ACBD7: variants seen among roughly 807,000 people sequenced by gnomAD.
ACBD7 encodes acyl-CoA binding domain containing 7, also known as acyl-CoA-binding domain-containing protein 7.
A neutral mutation model predicts 13.7 loss-of-function variants in ACBD7; 11 were observed. The observed-to-expected ratio is 0.80, with a 90% CI of 0.50 to 1.33. ACBD7 has a LOEUF of 1.33. Ranked by LOEUF, ACBD7 falls within the 40% of genes most tolerant of loss-of-function variation. The pLI is 0.00. For synonymous variants in ACBD7, 43 were observed against 37.7 expected (o/e 1.14, Z -0.51); for missense variants, 111 against 103.0 (o/e 1.08, Z -0.33).
At chr10:15,080,205 CA>C (rs1199477563) in intron 1 of ACBD7, among the ~76,000 whole-genome samples, 1 of 152,056 alleles carries the variant, frequency 6.6e-6, no homozygotes, top group Non-Finnish European at 1.5e-5. Context: ...GTTGTTTAGC[CA>C]ATTTAGAGCT....
chr10:15,078,527 A>T lies in ACBD7; in HGVS notation c.*3T>A, dbSNP rs1844709760. 6.2e-7 allele frequency: 1 copy of T among 1,614,006 alleles called. No individual in the cohort carries two copies. Among genetic ancestry groups the T allele is most frequent in the African/African-American group, 1.3e-5 (1 of 74,928 alleles). On this transcript the variant is annotated 3_prime_UTR_variant, in exon 4 of 4. Coordinates refer to ENST00000356189, the MANE Select transcript of ACBD7 (RefSeq NM_001039844.3). ...AAAGGAAAAATTCCTCATATGCTGT[A>T]TTCTAAATTCCGTATTTTTCTATCA...
intron 1 of ACBD7, among the ~76,000 whole-genome samples, chr10:15,086,033 C>T (rs1378605693): frequency 6.6e-6 from 1 of 152,126 alleles, no homozygotes; most frequent in African/African-American, 2.4e-5. Flanking sequence ...TTCAGCTGGG[C>T]GTGGTAGCTC....
chr10:15,081,486 TAGA>T (rs1389677520), intron 1 of ACBD7, among the ~76,000 whole-genome samples: 2 of 152,202 alleles, frequency 1.3e-5, no homozygotes, highest in Admixed American at 6.5e-5. Flanking sequence ...AGTTATATAT[TAGA>T]AGAAGTTCAT....
intron 1 of ACBD7, chr10:15,088,388 C>T (rs950567068): frequency 4.2e-6 from 2 of 470,650 alleles, no homozygotes; most frequent in Non-Finnish European, 3.7e-6. Flanking sequence ...GAGGTCCCAA[C>T]GAGCGAAGGG....
intron 1 of ACBD7, among the ~76,000 whole-genome samples, chr10:15,087,136 T>C (rs1422479344): frequency 2.0e-5 from 3 of 151,648 alleles, no homozygotes; most frequent in African/African-American, 4.8e-5. Context: ...GCTGAGATCA[T>C]GCCATTGCAC....
At position 15,079,554 on chromosome 10, in the gene ACBD7, C is replaced by T. The variant is rs146194378; in HGVS notation, c.13-514G>A. On this transcript the variant is annotated intron_variant, in intron 1 of 3. Coordinates refer to ENST00000356189, the MANE Select transcript of ACBD7 (RefSeq NM_001039844.3). ...CCTCCCAAAGTGCTGTGACTACAGG[C>T]GTGAGCCACTGAACCTGATGGTGAG... Among the ~76,000 whole-genome samples the T allele has an allele frequency of 9.9e-3, 1,480 of 150,098 alleles. 32 individuals carry two copies. The highest frequency in any genetic ancestry group is 0.034 in the African/African-American group (1,386 of 40,798).
At position 15,088,023 on chromosome 10, in the gene ACBD7, T is replaced by A. The variant is rs549089584; in HGVS notation, c.12+694A>T. 5.9e-5 allele frequency among the ~76,000 whole-genome samples: 9 copies of A among 152,142 alleles called. No homozygotes were observed. In the East Asian group the frequency reaches 1.7e-3, roughly 29 times the overall value. On this transcript the variant is annotated intron_variant, in intron 1 of 3. Coordinates refer to ENST00000356189, the MANE Select transcript of ACBD7 (RefSeq NM_001039844.3). ...CTGTCTCAAAAAAGAAAAATAAAAT[T>A]ACATTTTAGAATATTTAATAATGAG...
At chr10:15,088,096 C>T (rs892788654) in intron 1 of ACBD7, among the ~76,000 whole-genome samples, 3 of 152,100 alleles carry the variant, frequency 2.0e-5, no homozygotes, top group Admixed American at 6.5e-5. Flanking sequence ...ACTATATACA[C>T]AATAACATCA....
intron 1 of ACBD7, among the ~76,000 whole-genome samples, chr10:15,087,380 G>A (rs1347655603): frequency 6.6e-6 from 1 of 152,218 alleles, no homozygotes; most frequent in Non-Finnish European, 1.5e-5. Context: ...AACCCAGATG[G>A]CCCTGAAGTA....
intron 1 of ACBD7, among the ~76,000 whole-genome samples, chr10:15,081,173 T>C (rs1844745314): frequency 6.6e-6 from 1 of 151,448 alleles, no homozygotes; most frequent in African/African-American, 2.4e-5. Context: ...GACTGAGTGG[T>C]TAACGTTAAA....
rs1844716534 is a variant in ACBD7, at chr10:15,078,988, T to C, written c.65A>G (p.Asp22Gly). 6.2e-7 allele frequency: 1 copy of C among 1,609,606 alleles called. No homozygotes were observed. Among genetic ancestry groups the C allele is most frequent in the African/African-American group, 1.3e-5 (1 of 74,862 alleles). The change falls in exon 2 of 4, where the codon GAT becomes GGT. Residue 22 changes from aspartate (D) to glycine (G), a missense_variant. By Grantham distance (94) the Asp-to-Gly change is moderately conservative (BLOSUM62 -1). Coordinates refer to ENST00000356189, the MANE Select transcript of ACBD7 (RefSeq NM_001039844.3). ...EDVRKLKARP[D>G]DGELKELYGL... ...ATAGAGTTCTTTCAGTTCTCCATCA[T>C]CTGGTCTTGCTTTCAGCTTCCTCAC... is the stretch of plus-strand genomic sequence containing the variant.
intron 1 of ACBD7, among the ~76,000 whole-genome samples, chr10:15,079,874 G>A (rs1158351699): frequency 7.0e-6 from 1 of 143,580 alleles, no homozygotes; most frequent in Non-Finnish European, 1.5e-5. Flanking sequence ...ACCGTGCCCA[G>A]CTGCTTTTCT....
chr10:15,085,543 G>C (rs1010082435), intron 1 of ACBD7, among the ~76,000 whole-genome samples: 2 of 152,182 alleles, frequency 1.3e-5, no homozygotes, highest in African/African-American at 4.8e-5. Flanking sequence ...GGAACTGCAG[G>C]GTTCTTAGGT....
At position 15,078,228 on chromosome 10, in the gene ACBD7, T is replaced by C. The variant is rs1415965733; in HGVS notation, c.*302A>G. On this transcript the variant is annotated 3_prime_UTR_variant, in exon 4 of 4. Coordinates refer to ENST00000356189, the MANE Select transcript of ACBD7 (RefSeq NM_001039844.3). The stretch of plus-strand genomic sequence containing the variant: ...TCTTGTGATAGTTTGCTGAGAATGA[T>C]GGTTTCCAGCTTCATCCATGTCCCT... 2 of 556,722 alleles carry C rather than the reference T, an allele frequency of 3.6e-6. No homozygotes were observed. The highest frequency in any genetic ancestry group is 1.6e-4 in the East Asian group (2 of 12,636). 34.5% of individuals were successfully genotyped at this position (556,722 alleles called of 1,614,324 possible). A position where few individuals can be genotyped will look rare whatever the true frequency, so the allele number is the denominator to read the frequency against.
chr10:15,085,857 A>G (rs1467672195), intron 1 of ACBD7, among the ~76,000 whole-genome samples: 3 of 152,204 alleles, frequency 2.0e-5, no homozygotes, highest in African/African-American at 7.2e-5. Context: ...AATAAATAGA[A>G]GACTGGGGAC....
chr10:15,076,453 T>C lies in ACBD7; in HGVS notation c.*2077A>G. The stretch of plus-strand genomic sequence containing the variant: ...TAAAAATTTAAAGAAAAATAGATAT[T>C]CCTATGGGGGCTTTTTAAATTTCTT... On this transcript the variant is annotated 3_prime_UTR_variant, in exon 4 of 4. Coordinates refer to ENST00000356189, the MANE Select transcript of ACBD7 (RefSeq NM_001039844.3). The C allele has an allele frequency of 1.0e-6, 1 of 969,302 alleles. No homozygotes were observed. Among genetic ancestry groups the C allele is most frequent in the South Asian group, 4.8e-5 (1 of 21,014 alleles). 60.0% of individuals were successfully genotyped at this position (969,302 alleles called of 1,614,324 possible).
intron 1 of ACBD7, among the ~76,000 whole-genome samples, chr10:15,084,873 G>A (rs2131397745): frequency 6.6e-6 from 1 of 152,342 alleles, no homozygotes; most frequent in East Asian, 1.9e-4. Context: ...ACAGAAAGTG[G>A]GGAGGAGGTT....
rs1347026713 is a variant in ACBD7 at position 15,075,616 on chromosome 10, C to A, written c.*2914G>T. Among the ~76,000 whole-genome samples, 2 of 152,126 alleles carry A rather than the reference C, an allele frequency of 1.3e-5. No individual in the cohort carries two copies. The highest frequency in any genetic ancestry group is 2.9e-5 in the Non-Finnish European group (2 of 68,026). ...CATCCCTCCTGCTGCCCTTTTAAAG[C>A]CACACCCACCTCCCTCCTCCCTGGC... On this transcript the variant is annotated 3_prime_UTR_variant, in exon 4 of 4. Transcript: ENST00000356189.
intron 1 of ACBD7, among the ~76,000 whole-genome samples, chr10:15,086,105 C>G (rs1426983467): frequency 2.6e-5 from 4 of 151,398 alleles, no homozygotes; most frequent in Non-Finnish European, 5.9e-5. Context: ...GTCAGGAGTT[C>G]AAGACCAGCC....
Sources: allele counts gnomAD v4.1 joint callset (sites outside exome capture counted in the v4.1 genomes callset), GRCh38; gene constraint gnomAD v4.1.1; transcripts MANE v1.5; gene names NCBI Gene and HGNC (gene_info 2026-07-23, HGNC 2026-07-21).